CDH23: variants seen among roughly 807,000 people sequenced by gnomAD.
The protein encoded by CDH23 is cadherin related 23, also known as cadherin-23.
In CDH23, 189 loss-of-function variants were observed where a neutral mutation model predicts 317.1. The ratio of observed to expected loss-of-function variants is 0.60; its 90% CI spans 0.53 to 0.67. CDH23 has a LOEUF of 0.67. CDH23 is among the 30% of genes least tolerant of loss of function. The probability of loss-of-function intolerance (pLI) is 0.00; values close to 1 mark genes in which losing one functional copy is unlikely to be tolerated. For missense variants in CDH23, 4,401 were observed against 4,592.4 expected, an observed-to-expected ratio of 0.96 and a Z score of 1.20; for synonymous variants, 1,839 against 1,876.8, an observed-to-expected ratio of 0.98 and a Z score of 0.52.
At chr10:71,702,255 G>GC in intron 23 of CDH23, 44 bp downstream of exon 23, 1 of 1,589,120 alleles carries the variant, frequency 6.3e-7, no homozygotes. Context: ...ACCTTAGGCT[G>GC]CGGGTGTCCC....
chr10:71,676,026 G>A lies in CDH23; in HGVS notation c.1514+850G>A, dbSNP rs191972572. The stretch of plus-strand genomic sequence containing the variant: ...AGGTTCAAGCAATTTTCCTGCCTCA[G>A]CCTCCTGAGTAGCTGGGATTACAGG... On this transcript the variant is annotated intron_variant, in intron 15 of 69. Coordinates refer to ENST00000224721, the MANE Select transcript of CDH23 (RefSeq NM_022124.6). Among the ~76,000 whole-genome samples the A allele has an allele frequency of 4.0e-3, 597 of 149,866 alleles. 11 individuals carry two copies. Among genetic ancestry groups the A allele is most frequent in the South Asian group, 1.5e-3 (7 of 4,726 alleles).
At chr10:71,742,358 A>G (rs1423746461) in intron 38 of CDH23, among the ~76,000 whole-genome samples, 1 of 152,156 alleles carries the variant, frequency 6.6e-6, no homozygotes, top group Admixed American at 6.5e-5. Context: ...CTTCCCCTAC[A>G]TTGTGTGGTG....
At chr10:71,670,373 C>T (rs1246989251) in intron 14 of CDH23, among the ~76,000 whole-genome samples, 4 of 152,114 alleles carry the variant, frequency 2.6e-5, no homozygotes, top group Non-Finnish European at 4.4e-5. Context: ...GTACTACATA[C>T]GATGCAAAAA....
intron 14 of CDH23, among the ~76,000 whole-genome samples, chr10:71,666,263 C>G (rs115213147): frequency 3.3e-4 from 50 of 152,154 alleles, no homozygotes; most frequent in African/African-American, 1.2e-3. Context: ...CCAGAGCAGG[C>G]ACGAGAGCCT....
At chr10:71,796,328 G>T (rs1197346024) in intron 48 of CDH23, among the ~76,000 whole-genome samples, 2 of 152,194 alleles carry the variant, frequency 1.3e-5, no homozygotes, top group Non-Finnish European at 1.5e-5. Context: ...CTTCTGGGGG[G>T]TTCCTCTCTG....
chr10:71,646,188 G>T (rs1317166498), intron 13 of CDH23, among the ~76,000 whole-genome samples: 1 of 151,096 alleles, frequency 6.6e-6, no homozygotes, highest in Non-Finnish European at 1.5e-5. Context: ...TCCAGTAATT[G>T]AGTGGAATTT....
chr10:71,629,149 T>G (rs1217389039), intron 11 of CDH23, among the ~76,000 whole-genome samples: 1 of 152,090 alleles, frequency 6.6e-6, no homozygotes, highest in Non-Finnish European at 1.5e-5. Flanking sequence ...ACCTACTGAG[T>G]GTCAGATGTG....
intron 6 of CDH23, among the ~76,000 whole-genome samples, chr10:71,561,980 A>G (rs1036597677): frequency 6.6e-6 from 1 of 152,140 alleles, no homozygotes; most frequent in Non-Finnish European, 1.5e-5. Context: ...CTTTCCAGCA[A>G]GAAGCTGGAC....
chr10:71,658,611 G>A (rs1004334400), intron 14 of CDH23, among the ~76,000 whole-genome samples: 1 of 152,214 alleles, frequency 6.6e-6, no homozygotes, highest in Non-Finnish European at 1.5e-5. Flanking sequence ...CCCAGGCCTG[G>A]TGAAGCAGTG....
In CDH23 at chr10:71,596,076, G is replaced by A. The variant is rs139854816; in HGVS notation, c.832+18084G>A. On this transcript the variant is annotated intron_variant, in intron 9 of 69. Coordinates refer to ENST00000224721, the MANE Select transcript of CDH23 (RefSeq NM_022124.6). ...GGTTTTCCCTGGCACCAAGGGTGGC[G>A]CCTTCTGCCTGGCCCTGCTCAGGGG... 2.1e-3 allele frequency among the ~76,000 whole-genome samples: 320 copies of A among 152,148 alleles called. 1 individual carries two copies. Among genetic ancestry groups the A allele is most frequent in the African/African-American group, 7.4e-3 (306 of 41,516 alleles).
intron 9 of CDH23, among the ~76,000 whole-genome samples, chr10:71,612,433 A>T (rs1333294092): frequency 6.6e-6 from 1 of 152,082 alleles, no homozygotes; most frequent in Non-Finnish European, 1.5e-5. Flanking sequence ...AAGAAATACA[A>T]GTGAGTGTTC....
Position 71,732,350 on chromosome 10 carries a change from C to T in CDH23, c.4079C>T (p.Ala1360Val), listed in dbSNP as rs1839420448. 1 of 1,575,036 alleles carries T rather than the reference C, an allele frequency of 6.3e-7. No individual in the cohort carries two copies. The highest frequency in any genetic ancestry group is 1.9e-5 in the Admixed American group (1 of 53,522). The change falls in exon 32 of 70, where the codon GCC becomes GTC. Residue 1360 changes from alanine to valine, a missense_variant. This residue lies in a region of CDH23 where 3,068 missense variants were observed against 3,203.3 expected (regional missense o/e 0.96). Transcript: ENST00000224721. ...FNAYTSTQAK[A>V]LFKIDAITGV... Reference sequence around the variant, plus strand: ...GCCTACACCAGCACCCAGGCCAAAGCCCTCTTCAAGATAGACGCCATCACG... The same window carrying T: ...GCCTACACCAGCACCCAGGCCAAAGTCCTCTTCAAGATAGACGCCATCACG...
At chr10:71,539,820 G>A (rs1274192784) in intron 6 of CDH23, among the ~76,000 whole-genome samples, 1 of 151,022 alleles carries the variant, frequency 6.6e-6, no homozygotes, top group Admixed American at 6.6e-5. Flanking sequence ...ACCTCTCTCT[G>A]TCTCCCTGTT....
chr10:71,725,829 G>A (rs1564759891), intron 30 of CDH23, among the ~76,000 whole-genome samples: 1 of 152,168 alleles, frequency 6.6e-6, no homozygotes, highest in African/African-American at 2.4e-5. Flanking sequence ...GTAAGTCAAG[G>A]AAATCTCACT....
intron 28 of CDH23, chr10:71,716,397 C>A: frequency 2.8e-6 from 4 of 1,407,282 alleles, no homozygotes; most frequent in Non-Finnish European, 2.8e-6. Context: ...CCCAGGGCAG[C>A]GGGTATAGGG....
At chr10:71,713,561 G>A in intron 28 of CDH23, 2 of 464,488 alleles carry the variant, frequency 4.3e-6, no homozygotes, top group Non-Finnish European at 7.8e-6. Context: ...GGAAAGGGCT[G>A]GGGAGCAGGG....
chr10:71,814,874 C>T, intron 69 of CDH23, 78 bp from the exon 70 acceptor site: 1 of 1,462,230 alleles, frequency 6.8e-7, no homozygotes, highest in South Asian at 1.4e-5. Flanking sequence ...GCCACATAGC[C>T]AGTGGGTCTC....
chr10:71,399,914 G>A (rs575176782), intron 1 of CDH23, among the ~76,000 whole-genome samples: 15 of 152,132 alleles, frequency 9.9e-5, no homozygotes, highest in Admixed American at 9.2e-4. Flanking sequence ...TCAAGCAGAA[G>A]GAATTGAGCA....
chr10:71,695,666 T>G, intron 22 of CDH23, 141 bp downstream of exon 22: 6 of 634,844 alleles, frequency 9.5e-6, no homozygotes, highest in Non-Finnish European at 8.4e-6. Flanking sequence ...AATAGAGTTC[T>G]AGCGGTTCTC....
Sources: gnomAD v4.1 joint callset for allele counts (sites outside exome capture counted in the v4.1 genomes callset) on GRCh38, gnomAD v4.1.1 for gene constraint, gnomAD v4.1.1 regional missense constraint, MANE v1.5 for transcripts, NCBI Gene and HGNC (gene_info 2026-07-23, HGNC 2026-07-21) for gene names.